Variants in B3GALT1 observed in about 807,000 individuals in gnomAD.
The protein encoded by B3GALT1 is UDP-Gal:betaGlcNAc beta 1,3-galactosyltransferase, polypeptide 1.
Under a neutral mutation model 23.2 loss-of-function variants are expected in B3GALT1, and 10 were observed. That is an observed-to-expected ratio of 0.43 (90% CI 0.27 to 0.73). B3GALT1 has a LOEUF of 0.73. Among genes scored for constraint, B3GALT1 ranks in the 30% least tolerant of loss-of-function variants. The pLI is 0.21. For synonymous variants in B3GALT1, 156 were observed against 141.5 expected (o/e 1.10, Z -0.73); for missense variants, 299 against 405.4 (o/e 0.74, Z 2.25).
At chr2:167,859,125 A>T (rs995135136) in intron 4 of B3GALT1, among the ~76,000 whole-genome samples, 3 of 152,110 alleles carry the variant, frequency 2.0e-5, no homozygotes, top group Non-Finnish European at 4.4e-5. Flanking sequence ...CTAATAAAAA[A>T]TACTGGCATT....
At chr2:167,798,769 CT>C (rs901984422) in intron 3 of B3GALT1, among the ~76,000 whole-genome samples, 1 of 152,094 alleles carries the variant, frequency 6.6e-6, no homozygotes, top group Non-Finnish European at 1.5e-5. Flanking sequence ...TATTGAAGCT[CT>C]TTTTTGGTTT....
At chr2:167,523,219 C>G (rs756592761) in intron 2 of B3GALT1, among the ~76,000 whole-genome samples, 1 of 152,128 alleles carries the variant, frequency 6.6e-6, no homozygotes. Flanking sequence ...GAAAGAACAT[C>G]TTAATCTGAA....
At chr2:167,642,082 C>G (rs553608566) in intron 2 of B3GALT1, among the ~76,000 whole-genome samples, 1 of 152,312 alleles carries the variant, frequency 6.6e-6, no homozygotes, top group Admixed American at 6.5e-5. Flanking sequence ...TGTTGGTTGA[C>G]AGATAGCTGT....
intron 3 of B3GALT1, among the ~76,000 whole-genome samples, chr2:167,691,288 G>A (rs1686706413): frequency 6.6e-6 from 1 of 152,000 alleles, no homozygotes; most frequent in Admixed American, 6.6e-5. Context: ...GCTTCAAATG[G>A]CCCATTTAGT....
chr2:167,715,079 A>G (rs1687122481), intron 3 of B3GALT1: 1 of 1,612,758 alleles, frequency 6.2e-7, no homozygotes, highest in East Asian at 2.2e-5. Flanking sequence ...TTCTCCTTCT[A>G]AGGCTTTTAA....
intron 3 of B3GALT1, among the ~76,000 whole-genome samples, chr2:167,731,967 T>C (rs191508446): frequency 9.8e-5 from 15 of 152,326 alleles, no homozygotes; most frequent in African/African-American, 2.6e-4. Flanking sequence ...TTTTGACTTA[T>C]GACGATTTGG....
chr2:167,434,881 C>T (rs1427700155), intron 1 of B3GALT1, among the ~76,000 whole-genome samples: 1 of 151,822 alleles, frequency 6.6e-6, no homozygotes, highest in African/African-American at 2.4e-5. Context: ...AAGCAGCAAA[C>T]AAAACATATG....
intron 1 of B3GALT1, among the ~76,000 whole-genome samples, chr2:167,351,044 G>A (rs1559072442): frequency 6.6e-6 from 1 of 152,122 alleles, no homozygotes. Context: ...CGAGGCAGGT[G>A]GATCATTTGA....
At chr2:167,805,730 G>C (rs1306228671) in intron 3 of B3GALT1, among the ~76,000 whole-genome samples, 1 of 152,136 alleles carries the variant, frequency 6.6e-6, no homozygotes, top group Non-Finnish European at 1.5e-5. Context: ...GATTACTGTA[G>C]CCTTGTAATA....
intron 4 of B3GALT1, among the ~76,000 whole-genome samples, chr2:167,839,205 G>T (rs1374112522): frequency 2.0e-5 from 3 of 152,136 alleles, no homozygotes; most frequent in Admixed American, 1.3e-4. Context: ...AGGAAATAAA[G>T]GGTATTCAAT....
chr2:167,480,536 T>C (rs774286752), intron 1 of B3GALT1, among the ~76,000 whole-genome samples: 1 of 152,156 alleles, frequency 6.6e-6, no homozygotes, highest in African/African-American at 2.4e-5. Context: ...GCTTGCTGAT[T>C]GTCAACCCTT....
At chr2:167,654,225 A>G (rs1685913777) in intron 3 of B3GALT1, among the ~76,000 whole-genome samples, 1 of 152,204 alleles carries the variant, frequency 6.6e-6, no homozygotes, top group Admixed American at 6.5e-5. Flanking sequence ...AATACTCATA[A>G]CACACTTAGA....
chr2:167,522,032 GTA>G (rs1700198195), intron 2 of B3GALT1, among the ~76,000 whole-genome samples: 1 of 124,066 alleles, frequency 8.1e-6, no homozygotes, highest in East Asian at 2.8e-4. Context: ...TTATATATAT[GTA>G]TATGATTTAA....
chr2:167,577,048 T>G (rs997472888), intron 2 of B3GALT1, among the ~76,000 whole-genome samples: 3 of 151,734 alleles, frequency 2.0e-5, no homozygotes, highest in African/African-American at 4.8e-5. Context: ...TCTCTCTCTT[T>G]TTTCCTCCTC....
chr2:167,351,088 G>A (rs1220454645), intron 1 of B3GALT1, among the ~76,000 whole-genome samples: 1 of 152,056 alleles, frequency 6.6e-6, no homozygotes, highest in African/African-American at 2.4e-5. Flanking sequence ...GGCCAACATG[G>A]TGAAACCCTG....
chr2:167,726,240 G>A (rs187362620), intron 3 of B3GALT1, among the ~76,000 whole-genome samples: 1 of 152,268 alleles, frequency 6.6e-6, no homozygotes, highest in South Asian at 2.1e-4. Flanking sequence ...GTCTTGCTAT[G>A]ACTAGTTTTT....
chr2:167,512,012 TATATG>T (rs1000180377), intron 2 of B3GALT1, among the ~76,000 whole-genome samples: 13 of 152,106 alleles, frequency 8.5e-5, no homozygotes, highest in African/African-American at 2.7e-4. Context: ...TAAAAATAAA[TATATG>T]ATATGTTAGG....
chr2:167,776,405 T>C (rs1353713286), intron 3 of B3GALT1, among the ~76,000 whole-genome samples: 11 of 152,186 alleles, frequency 7.2e-5, no homozygotes, highest in Non-Finnish European at 7.4e-5. Context: ...TGAACTTACT[T>C]AAATTACTTT....
At chr2:167,718,001 A>G (rs1422558322) in intron 3 of B3GALT1, among the ~76,000 whole-genome samples, 2 of 152,334 alleles carry the variant, frequency 1.3e-5, no homozygotes, top group Middle Eastern at 3.4e-3. Flanking sequence ...ATGATCTGTT[A>G]CAGTTTTTTA....
Sources: allele counts gnomAD v4.1 joint callset (sites outside exome capture counted in the v4.1 genomes callset), GRCh38; gene constraint gnomAD v4.1.1; transcripts MANE v1.5; gene names NCBI Gene and HGNC (gene_info 2026-07-23, HGNC 2026-07-21).